Variants in PPA2 observed in about 807,000 individuals in gnomAD.
PPA2 encodes the protein inorganic pyrophosphatase 2, mitochondrial.
In PPA2, 48 loss-of-function variants were observed where a neutral mutation model predicts 49.5. That is an observed-to-expected ratio of 0.97 (90% CI 0.77 to 1.23). The LOEUF (loss-of-function observed/expected upper bound fraction) is 1.23, where lower values mean the gene tolerates loss of function less well. PPA2 is among the 50% of genes most tolerant of loss of function. The pLI, the probability that PPA2 is intolerant of heterozygous loss-of-function variation, is 0.00. For synonymous variants in PPA2, 131 were observed against 139.9 expected (o/e 0.94, Z 0.45); for missense variants, 429 against 410.1 (o/e 1.05, Z -0.40).
chr4:105,455,261 A>G (rs1488521278), intron 2 of PPA2, among the ~76,000 whole-genome samples: 1 of 152,214 alleles, frequency 6.6e-6, no homozygotes, highest in Non-Finnish European at 1.5e-5. Context: ...GACATGAGAT[A>G]TTTAGGTTTG....
At chr4:105,415,256 C>T (rs1020612849) in intron 7 of PPA2, among the ~76,000 whole-genome samples, 2 of 152,228 alleles carry the variant, frequency 1.3e-5, no homozygotes, top group Non-Finnish European at 2.9e-5. Flanking sequence ...AGCCTGTCTG[C>T]CTCCCGCTAT....
rs568458122 is a variant in PPA2, at chr4:105,413,319, G to C, written c.655+10877C>G. Reference sequence around the variant, plus strand: ...GAGCATCACACACCAGGGCCTGTTGGGGGGTGGGGGACTGGGGGAGGGATA... The same window carrying C: ...GAGCATCACACACCAGGGCCTGTTGCGGGGTGGGGGACTGGGGGAGGGATA... On this transcript the variant is annotated intron_variant, in intron 7 of 11. Transcript: ENST00000341695. 2.0e-4 allele frequency among the ~76,000 whole-genome samples: 30 copies of C among 152,068 alleles called. No homozygotes were observed. In the East Asian group the frequency reaches 3.7e-3, roughly 19 times the overall value.
intron 4 of PPA2, 39 bp downstream of exon 4, chr4:105,449,311 T>C: frequency 7.8e-7 from 1 of 1,282,250 alleles, no homozygotes; most frequent in Non-Finnish European, 1.1e-6. Flanking sequence ...TATATCATTA[T>C]AATCATTTCG....
chr4:105,462,168 C>T (rs11933782), intron 1 of PPA2, among the ~76,000 whole-genome samples: 2,429 of 151,900 alleles, frequency 0.016, 61 homozygotes, highest in African/African-American at 0.055. Context: ...CAACACATGC[C>T]GTTATTTTTA....
chr4:105,425,701 A>C (rs1723465470), intron 6 of PPA2, among the ~76,000 whole-genome samples: 1 of 149,946 alleles, frequency 6.7e-6, no homozygotes, highest in South Asian at 2.1e-4. Context: ...AACCCCACAG[A>C]TTGAGAAAGG....
Position 105,473,940 on chromosome 4 carries a change from A to C in PPA2, c.111T>G (p.Thr37=). The C allele has an allele frequency of 6.2e-7, 1 of 1,611,406 alleles. No individual in the cohort carries two copies. The highest frequency in any genetic ancestry group is 8.5e-7 in the Non-Finnish European group (1 of 1,178,732). The stretch of plus-strand genomic sequence containing the variant: ...GCGAGCAGGGCTGGCCGCGCTCCTC[A>C]GTGTGGTACAGGGCCATAGCACGGC... ...GSRRAMALYH[T]EERGQPCSQN... Residue 37 remains threonine, a synonymous_variant, in exon 1 of 12, where the codon ACT becomes ACG. Transcript: ENST00000341695.
intron 10 of PPA2, among the ~76,000 whole-genome samples, chr4:105,382,827 C>T (rs1442339735): frequency 6.6e-6 from 1 of 151,838 alleles, no homozygotes; most frequent in Non-Finnish European, 1.5e-5. Flanking sequence ...AGCAAAACTC[C>T]CACTCTACCA....
At chr4:105,376,432 A>G (rs973578470) in intron 10 of PPA2, among the ~76,000 whole-genome samples, 1 of 152,188 alleles carries the variant, frequency 6.6e-6, no homozygotes, top group African/African-American at 2.4e-5. Flanking sequence ...TTTTTACTTC[A>G]AAACACCATC....
At position 105,424,357 on chromosome 4, in the gene PPA2, C is replaced by T. The variant is rs180764559; in HGVS notation, c.529-35G>A. ...AAAAAGAAATTCACTATTTGCAAGG[C>T]TTTGGAGAGTTTACTCACATATCAC... On this transcript the variant is annotated intron_variant, in intron 6 of 11. Transcript: ENST00000341695. 1.9e-3 allele frequency: 2,900 copies of T among 1,546,816 alleles called. 6 individuals carry two copies. The highest frequency in any genetic ancestry group is 2.3e-3 in the Non-Finnish European group (2,635 of 1,156,922).
At chr4:105,470,468 G>C (rs28708982) in intron 1 of PPA2, among the ~76,000 whole-genome samples, 9 of 152,122 alleles carry the variant, frequency 5.9e-5, no homozygotes, top group African/African-American at 1.9e-4. Flanking sequence ...TTGGGCAAAA[G>C]TATGAGACCC....
chr4:105,370,072 A>T (rs1209779052), intron 11 of PPA2, among the ~76,000 whole-genome samples: 1 of 152,222 alleles, frequency 6.6e-6, no homozygotes, highest in Non-Finnish European at 1.5e-5. Flanking sequence ...GGTTTAGATA[A>T]AGCTTGTATT....
chr4:105,398,884 A>G, intron 8 of PPA2, 153 bp downstream of exon 8: 1 of 639,610 alleles, frequency 1.6e-6, no homozygotes, highest in South Asian at 3.2e-5. Flanking sequence ...CAGAATTTAA[A>G]TAATAAAATA....
At chr4:105,462,796 A>C (rs961711929) in intron 1 of PPA2, among the ~76,000 whole-genome samples, 2 of 152,152 alleles carry the variant, frequency 1.3e-5, no homozygotes, top group South Asian at 2.1e-4. Context: ...AGTAAGTCTC[A>C]CAAGATCTGA....
chr4:105,405,296 T>C (rs932527089), intron 7 of PPA2: 2 of 729,730 alleles, frequency 2.7e-6, no homozygotes, highest in Non-Finnish European at 1.7e-6. Flanking sequence ...CACATACACA[T>C]GCATACTTAT....
intron 6 of PPA2, among the ~76,000 whole-genome samples, chr4:105,435,045 G>C (rs988046782): frequency 6.6e-6 from 1 of 152,136 alleles, no homozygotes; most frequent in African/African-American, 2.4e-5. Flanking sequence ...AAGGGACTTA[G>C]AACATTCAAG....
intron 6 of PPA2, among the ~76,000 whole-genome samples, chr4:105,436,037 TG>T (rs1203406090): frequency 2.0e-5 from 3 of 152,132 alleles, no homozygotes; most frequent in Non-Finnish European, 4.4e-5. Context: ...ACTAATGACA[TG>T]ATAGTGTAGC....
intron 1 of PPA2, among the ~76,000 whole-genome samples, chr4:105,466,742 A>G (rs1375096148): frequency 1.3e-5 from 2 of 152,214 alleles, no homozygotes; most frequent in Admixed American, 6.5e-5. Context: ...ATGTTAGCAT[A>G]CTTCCAGGAT....
At chr4:105,454,583 C>T (rs889520058) in intron 2 of PPA2, among the ~76,000 whole-genome samples, 2 of 152,184 alleles carry the variant, frequency 1.3e-5, no homozygotes, top group African/African-American at 2.4e-5. Context: ...ATCCGCCTGC[C>T]TTGGCCTCCC....
chr4:105,472,751 C>G (rs577029559), intron 1 of PPA2, among the ~76,000 whole-genome samples: 4 of 152,254 alleles, frequency 2.6e-5, no homozygotes, highest in African/African-American at 9.6e-5. Flanking sequence ...TTCTTTCCCA[C>G]AAAATAATCC....
Sources: gnomAD v4.1 joint callset for allele counts (sites outside exome capture counted in the v4.1 genomes callset) on GRCh38, gnomAD v4.1.1 for gene constraint, MANE v1.5 for transcripts, NCBI Gene and HGNC (gene_info 2026-07-23, HGNC 2026-07-21) for gene names.